ZBTB7C: variants seen among roughly 807,000 people sequenced by gnomAD.
The protein encoded by ZBTB7C is zinc finger and BTB domain containing 7C, also known as zinc finger and BTB domain-containing protein 7C.
A neutral mutation model predicts 25.7 loss-of-function variants in ZBTB7C; 8 were observed. That is an observed-to-expected ratio of 0.31 (90% CI 0.18 to 0.56). ZBTB7C has a LOEUF of 0.56. ZBTB7C is among the 20% of genes least tolerant of loss of function. The pLI is 0.91. For synonymous variants in ZBTB7C, 394 were observed against 369.0 expected (o/e 1.07, Z -0.78); for missense variants, 824 against 855.2 (o/e 0.96, Z 0.46).
chr18:48,291,552 G>A (rs1025061489), intron 2 of ZBTB7C, among the ~76,000 whole-genome samples: 2 of 152,212 alleles, frequency 1.3e-5, no homozygotes, highest in African/African-American at 2.4e-5. Context: ...CGTATCCACC[G>A]GGACAGGCAG....
At chr18:48,405,556 T>C (rs1599057756) in intron 1 of ZBTB7C, among the ~76,000 whole-genome samples, 1 of 152,362 alleles carries the variant, frequency 6.6e-6, no homozygotes, top group African/African-American at 2.4e-5. Flanking sequence ...ACGGTGGCTC[T>C]AGAAAATCCT....
At chr18:48,059,889 G>T (rs1404047185) in intron 3 of ZBTB7C, among the ~76,000 whole-genome samples, 1 of 152,160 alleles carries the variant, frequency 6.6e-6, no homozygotes, top group East Asian at 1.9e-4. Context: ...ACCCGCCCAG[G>T]CAGCTTCCCT....
At chr18:48,279,490 C>A (rs2044767517) in intron 2 of ZBTB7C, among the ~76,000 whole-genome samples, 1 of 152,232 alleles carries the variant, frequency 6.6e-6, no homozygotes, top group Admixed American at 6.5e-5. Flanking sequence ...CATGTCCAAA[C>A]TCCAGTGGGG....
At chr18:48,184,580 C>A (rs1161742139) in intron 3 of ZBTB7C, among the ~76,000 whole-genome samples, 1 of 152,092 alleles carries the variant, frequency 6.6e-6, no homozygotes, top group African/African-American at 2.4e-5. Context: ...AACTAGCTAC[C>A]TTCTCCTGCT....
chr18:48,319,283 C>T (rs1333329052), intron 2 of ZBTB7C, among the ~76,000 whole-genome samples: 6 of 152,266 alleles, frequency 3.9e-5, no homozygotes, highest in African/African-American at 7.2e-5. Context: ...GCCACACACA[C>T]TGTGTGGGTT....
intron 1 of ZBTB7C, among the ~76,000 whole-genome samples, chr18:48,358,187 A>G (rs1229395012): frequency 6.6e-6 from 1 of 152,182 alleles, no homozygotes; most frequent in Non-Finnish European, 1.5e-5. Flanking sequence ...CCCCGTCTCC[A>G]CTAAAAATAC....
At chr18:48,368,719 G>A (rs985921159) in intron 1 of ZBTB7C, among the ~76,000 whole-genome samples, 9 of 152,068 alleles carry the variant, frequency 5.9e-5, no homozygotes, top group Non-Finnish European at 1.2e-4. Context: ...TTACCTATTA[G>A]GGGAAAAACA....
chr18:48,167,563 GGTGTGTGTGT>G (rs748451365), intron 3 of ZBTB7C, among the ~76,000 whole-genome samples: 2 of 142,484 alleles, frequency 1.4e-5, no homozygotes, highest in Admixed American at 7.0e-5. Flanking sequence ...GCATTGCTAG[GGTGTGTGTGT>G]GTGTGTGTGT....
Position 48,028,846 on chromosome 18 carries a change from G to C in ZBTB7C, c.*414C>G. ...AGTGTTGGCAGAGACTTTGCCATAGGGGGTGGGGCTTAACCAAGGTGCATG... is the reference window on the plus strand; with the variant it reads ...AGTGTTGGCAGAGACTTTGCCATAGCGGGTGGGGCTTAACCAAGGTGCATG... On this transcript the variant is annotated 3_prime_UTR_variant, in exon 5 of 5. Coordinates refer to ENST00000590800, the MANE Select transcript of ZBTB7C (RefSeq NM_001318841.2). The C allele has an allele frequency of 5.4e-6, 1 of 183,540 alleles. No homozygotes were observed. The highest frequency in any genetic ancestry group is 1.4e-4 in the South Asian group (1 of 7,036). 11.4% of individuals were successfully genotyped at this position (183,540 alleles called of 1,614,324 possible).
chr18:48,215,267 T>C (rs1006259485), intron 2 of ZBTB7C, among the ~76,000 whole-genome samples: 3 of 152,156 alleles, frequency 2.0e-5, no homozygotes, highest in African/African-American at 7.2e-5. Context: ...GTAGGCTTAC[T>C]CCCAGTGTTG....
chr18:48,097,838 G>A (rs887106929), intron 3 of ZBTB7C, among the ~76,000 whole-genome samples: 1 of 151,224 alleles, frequency 6.6e-6, no homozygotes, highest in East Asian at 1.9e-4. Context: ...GGTATTTTCA[G>A]CTTAAGCTAC....
intron 2 of ZBTB7C, among the ~76,000 whole-genome samples, chr18:48,231,341 C>G (rs2043246703): frequency 6.6e-6 from 1 of 152,180 alleles, no homozygotes; most frequent in African/African-American, 2.4e-5. Context: ...CCATAAAAAC[C>G]CTGGTCTCAG....
chr18:48,379,875 T>A (rs2047597640), intron 1 of ZBTB7C, among the ~76,000 whole-genome samples: 1 of 152,166 alleles, frequency 6.6e-6, no homozygotes, highest in Admixed American at 6.5e-5. Flanking sequence ...CATGAAAAGA[T>A]GCTCAACATA....
intron 2 of ZBTB7C, among the ~76,000 whole-genome samples, chr18:48,216,539 G>T (rs1340022241): frequency 6.6e-6 from 1 of 152,130 alleles, no homozygotes; most frequent in Non-Finnish European, 1.5e-5. Flanking sequence ...GGCGAAGGTG[G>T]CATACACTGA....
At chr18:48,327,088 C>A (rs1189989516) in intron 2 of ZBTB7C, among the ~76,000 whole-genome samples, 1 of 152,104 alleles carries the variant, frequency 6.6e-6, no homozygotes, top group Non-Finnish European at 1.5e-5. Flanking sequence ...GAGGAGGGAA[C>A]AGAGCACAGA....
chr18:48,165,988 A>G (rs985862248), intron 3 of ZBTB7C, among the ~76,000 whole-genome samples: 15 of 152,222 alleles, frequency 9.9e-5, no homozygotes, highest in Non-Finnish European at 1.8e-4. Context: ...ACACTGCATA[A>G]TACGTTTTTC....
intron 3 of ZBTB7C, among the ~76,000 whole-genome samples, chr18:48,052,648 A>C (rs1290340175): frequency 6.6e-6 from 1 of 152,172 alleles, no homozygotes; most frequent in African/African-American, 2.4e-5. Context: ...AAGGCTGGGA[A>C]GTACCCAGGT....
At chr18:48,261,703 G>A (rs760478333) in intron 2 of ZBTB7C, among the ~76,000 whole-genome samples, 1 of 152,178 alleles carries the variant, frequency 6.6e-6, no homozygotes, top group African/African-American at 2.4e-5. Flanking sequence ...TAGACCCTAA[G>A]CTCTCACTGT....
intron 2 of ZBTB7C, among the ~76,000 whole-genome samples, chr18:48,220,381 C>G (rs2042920823): frequency 6.6e-6 from 1 of 152,164 alleles, no homozygotes; most frequent in African/African-American, 2.4e-5. Flanking sequence ...TGGGCTAAGG[C>G]TCAAACAGCA....
Sources: gnomAD v4.1 joint callset for allele counts (sites outside exome capture counted in the v4.1 genomes callset) on GRCh38, gnomAD v4.1.1 for gene constraint, MANE v1.5 for transcripts, NCBI Gene and HGNC (gene_info 2026-07-23, HGNC 2026-07-21) for gene names.